The following MYO5B variants were observed in gnomAD, a reference collection of about 807,000 sequenced individuals.
The protein encoded by MYO5B is myosin VB, also known as unconventional myosin-Vb.
A neutral mutation model predicts 229.3 loss-of-function variants in MYO5B; 143 were observed. The observed-to-expected ratio is 0.62, with a 90% CI of 0.54 to 0.72. MYO5B has a LOEUF of 0.72. MYO5B is among the 30% of genes least tolerant of loss of function. The pLI is 0.00. For missense variants in MYO5B, 2,321 were observed against 2,331.0 expected, an observed-to-expected ratio of 1.00 and a Z score of 0.09; for synonymous variants, 918 against 885.2, an observed-to-expected ratio of 1.04 and a Z score of -0.66.
chr18:50,155,360 T>C (rs893680643), intron 1 of MYO5B, among the ~76,000 whole-genome samples: 1 of 152,238 alleles, frequency 6.6e-6, no homozygotes, highest in African/African-American at 2.4e-5. Flanking sequence ...TTTTAAAATA[T>C]GACCCATATT....
At chr18:49,982,800 A>G (rs1449609398) in intron 8 of MYO5B, among the ~76,000 whole-genome samples, 1 of 152,238 alleles carries the variant, frequency 6.6e-6, no homozygotes, top group Non-Finnish European at 1.5e-5. Context: ...AACCCCTGCA[A>G]TTAAAAAAGG....
At chr18:49,953,894 ATGTGTGTGTGTG>A (rs71169463) in intron 13 of MYO5B, among the ~76,000 whole-genome samples, 13,476 of 108,464 alleles carry the variant, frequency 0.12, 866 homozygotes, top group Middle Eastern at 0.29. Flanking sequence ...ATATACATAT[ATGTGTGTGTGTG>A]TGTGTGTGTG....
intron 1 of MYO5B, among the ~76,000 whole-genome samples, chr18:50,074,476 G>A (rs2031032095): frequency 6.6e-6 from 1 of 152,172 alleles, no homozygotes; most frequent in African/African-American, 2.4e-5. Flanking sequence ...TCCTCAATGA[G>A]GCTCTTGAAT....
At chr18:50,102,641 A>G (rs1422042123) in intron 1 of MYO5B, among the ~76,000 whole-genome samples, 1 of 152,062 alleles carries the variant, frequency 6.6e-6, no homozygotes, top group East Asian at 1.9e-4. Flanking sequence ...GAGAATCAGA[A>G]CCTGGCTCTG....
chr18:49,852,190 C>T (rs991162071), intron 31 of MYO5B, among the ~76,000 whole-genome samples: 1 of 152,246 alleles, frequency 6.6e-6, no homozygotes, highest in Non-Finnish European at 1.5e-5. Context: ...GTTGGTGTGC[C>T]GTGAGCTAAC....
intron 1 of MYO5B, among the ~76,000 whole-genome samples, chr18:50,102,625 A>C (rs2031677099): frequency 6.6e-6 from 1 of 152,168 alleles, no homozygotes; most frequent in South Asian, 2.1e-4. Context: ...TGCACAGCCC[A>C]GAAGAGAGAA....
chr18:50,031,962 C>G (rs781398111), intron 4 of MYO5B, among the ~76,000 whole-genome samples: 3 of 152,170 alleles, frequency 2.0e-5, no homozygotes, highest in Non-Finnish European at 2.9e-5. Flanking sequence ...TAAAGGAAGA[C>G]GTTTAACTTG....
At chr18:50,055,235 A>ACCCCCCCCCCCCTC in intron 2 of MYO5B, 33 bp downstream of exon 2, 1 of 353,292 alleles carries the variant, frequency 2.8e-6, no homozygotes, top group South Asian at 2.0e-5. Flanking sequence ...GCCCCACCTC[A>ACCCCCCCCCCCCTC]CCCCCGCCCC....
Position 49,974,499 on chromosome 18 carries a change from G to A in MYO5B, c.1173C>T (p.Thr391=). The change falls in exon 10 of 40, where the codon ACC becomes ACT. Residue 391 remains threonine, a synonymous_variant. Transcript: ENST00000285039. The part of the protein sequence containing the change: ...LVTTSETYVK[T]MSLQQVINAR... ...CATTGATCACCTGCTGCAGGGACAT[G>A]GTCTTGACGTAGGTCTCCGAGGTGG... 3 of 1,614,202 alleles carry A rather than the reference G, an allele frequency of 1.9e-6. No homozygotes were observed. The highest frequency in any genetic ancestry group is 8.5e-7 in the Non-Finnish European group (1 of 1,180,042).
At chr18:49,946,478 C>T (rs551002177) in intron 14 of MYO5B, 1 of 152,238 alleles carries the variant, frequency 6.6e-6, no homozygotes, top group African/African-American at 2.4e-5. Flanking sequence ...TATGAAAAAT[C>T]ACACTAGGAA....
chr18:50,038,742 A>G (rs1456340030), intron 3 of MYO5B, among the ~76,000 whole-genome samples: 4 of 152,240 alleles, frequency 2.6e-5, no homozygotes, highest in Non-Finnish European at 5.9e-5. Flanking sequence ...ATAAATATGT[A>G]CAGACACTGG....
intron 5 of MYO5B, among the ~76,000 whole-genome samples, chr18:49,998,051 AGTC>A (rs1055901700): frequency 9.8e-4 from 149 of 151,902 alleles, no homozygotes; most frequent in African/African-American, 3.5e-3. Flanking sequence ...ACTTACGAAA[AGTC>A]GTGTTTTCAG....
intron 1 of MYO5B, among the ~76,000 whole-genome samples, chr18:50,062,184 A>G (rs1312618152): frequency 6.6e-6 from 1 of 152,166 alleles, no homozygotes. Context: ...AAATGTACAA[A>G]TGCCAATTAA....
At chr18:50,189,705 A>G (rs2033201721) in intron 1 of MYO5B, among the ~76,000 whole-genome samples, 1 of 152,116 alleles carries the variant, frequency 6.6e-6, no homozygotes, top group South Asian at 2.1e-4. Flanking sequence ...AAAGAACATC[A>G]CTCAGAGCCA....
chr18:49,998,673 T>C (rs2026014917), intron 5 of MYO5B, among the ~76,000 whole-genome samples: 1 of 152,264 alleles, frequency 6.6e-6, no homozygotes, highest in Non-Finnish European at 1.5e-5. Flanking sequence ...AATGAAATAC[T>C]GTTCAATCAT....
intron 4 of MYO5B, among the ~76,000 whole-genome samples, chr18:50,010,496 T>A (rs1408480994): frequency 1.3e-5 from 2 of 152,176 alleles, no homozygotes; most frequent in Non-Finnish European, 2.9e-5. Flanking sequence ...AAAATAAGGG[T>A]CTGGAAGATT....
At chr18:49,866,007 G>A (rs151199553) in intron 27 of MYO5B, among the ~76,000 whole-genome samples, 79 of 152,230 alleles carry the variant, frequency 5.2e-4, no homozygotes, top group African/African-American at 1.7e-3. Context: ...CTGGTCAACA[G>A]TGCCAAAAGA....
At chr18:49,918,380 A>C (rs1343287062) in intron 17 of MYO5B, among the ~76,000 whole-genome samples, 1 of 152,202 alleles carries the variant, frequency 6.6e-6, no homozygotes, top group African/African-American at 2.4e-5. Context: ...AGTCACACAA[A>C]TTCTATGACA....
rs541561627 is a variant in MYO5B at position 50,014,542 on chromosome 18, G to A, written c.456-13131C>T. Reference sequence around the variant, plus strand: ...GGTGAGATACAGCCTGCAATTTGGTGACATTAGTTCACTGTAATGCGGCAC... The same window carrying A: ...GGTGAGATACAGCCTGCAATTTGGTAACATTAGTTCACTGTAATGCGGCAC... On this transcript the variant is annotated intron_variant, in intron 4 of 39. Transcript: ENST00000285039. Among the ~76,000 whole-genome samples the A allele has an allele frequency of 5.3e-5, 8 of 152,290 alleles. No homozygotes were observed. In the South Asian group the frequency reaches 1.7e-3, roughly 32 times the overall value.
Sources: gnomAD v4.1 joint callset for allele counts (sites outside exome capture counted in the v4.1 genomes callset) on GRCh38, gnomAD v4.1.1 for gene constraint, MANE v1.5 for transcripts, NCBI Gene and HGNC (gene_info 2026-07-23, HGNC 2026-07-21) for gene names.